The following STAC variants were observed in gnomAD, a reference collection of about 807,000 sequenced individuals.
The protein encoded by STAC is SH3 and cysteine-rich domain-containing protein.
Under a neutral mutation model 48.8 loss-of-function variants are expected in STAC, and 43 were observed. The ratio of observed to expected loss-of-function variants is 0.88; its 90% confidence interval spans 0.69 to 1.14. The LOEUF is 1.14. Among genes scored for constraint, STAC ranks in the 50% most tolerant of loss-of-function variants. The pLI is 0.00. For missense variants in STAC, 497 were observed against 504.0 expected (o/e 0.99, Z 0.13); for synonymous variants, 193 against 179.5 (o/e 1.07, Z -0.60).
At chr3:36,513,222 G>A (rs1698584952) in intron 8 of STAC, among the ~76,000 whole-genome samples, 2 of 151,992 alleles carry the variant, frequency 1.3e-5, no homozygotes, top group African/African-American at 4.8e-5. Context: ...ACCTCTCCCC[G>A]AACCTCCAGA....
chr3:36,460,466 A>C (rs547375857), intron 2 of STAC, among the ~76,000 whole-genome samples: 1 of 152,314 alleles, frequency 6.6e-6, no homozygotes, highest in African/African-American at 2.4e-5. Flanking sequence ...TTATTATATG[A>C]AATTAAAATC....
At chr3:36,399,604 G>A (rs900586255) in intron 1 of STAC, among the ~76,000 whole-genome samples, 3 of 152,140 alleles carry the variant, frequency 2.0e-5, no homozygotes, top group Non-Finnish European at 4.4e-5. Flanking sequence ...CTGAGTGATG[G>A]AGGACAGGTG....
At chr3:36,384,839 T>TC (rs1385286286) in intron 1 of STAC, among the ~76,000 whole-genome samples, 1 of 152,130 alleles carries the variant, frequency 6.6e-6, no homozygotes, top group Non-Finnish European at 1.5e-5. Context: ...GAAAAAGAAA[T>TC]CTCTAACCAT....
chr3:36,534,713 G>T (rs1216416818), intron 10 of STAC, among the ~76,000 whole-genome samples: 2 of 151,438 alleles, frequency 1.3e-5, no homozygotes, highest in East Asian at 3.9e-4. Flanking sequence ...CCTCCTCCTT[G>T]TTGTTCTTCT....
chr3:36,450,698 A>G (rs2005577), intron 2 of STAC, among the ~76,000 whole-genome samples: 114,668 of 151,682 alleles, frequency 0.76, 43,782 homozygotes, highest in African/African-American at 0.84. Flanking sequence ...GCTAACTTTT[A>G]TATTTTTAGT....
At chr3:36,425,935 G>GT (rs888480894) in intron 1 of STAC, among the ~76,000 whole-genome samples, 1 of 152,160 alleles carries the variant, frequency 6.6e-6, no homozygotes, top group Admixed American at 6.5e-5. Context: ...GGAAGCTGAG[G>GT]TGGCAGGATC....
chr3:36,464,013 T>C (rs1697094709), intron 2 of STAC, among the ~76,000 whole-genome samples: 1 of 152,172 alleles, frequency 6.6e-6, no homozygotes, highest in South Asian at 2.1e-4. Context: ...GCATGATTTA[T>C]AATCCTTTGG....
At chr3:36,424,781 A>T (rs1020083918) in intron 1 of STAC, among the ~76,000 whole-genome samples, 7 of 152,198 alleles carry the variant, frequency 4.6e-5, no homozygotes, top group Non-Finnish European at 1.0e-4. Flanking sequence ...CAAACCTGGG[A>T]CAATTTGAGC....
chr3:36,501,023 T>A (rs1698270123), intron 6 of STAC, among the ~76,000 whole-genome samples: 1 of 152,086 alleles, frequency 6.6e-6, no homozygotes, highest in South Asian at 2.1e-4. Context: ...GCCTGGAAGG[T>A]CGAGGCTGCA....
At chr3:36,518,938 G>A (rs1698737233) in intron 8 of STAC, among the ~76,000 whole-genome samples, 1 of 152,180 alleles carries the variant, frequency 6.6e-6, no homozygotes, top group Non-Finnish European at 1.5e-5. Context: ...CAGAAGAGTA[G>A]ATCAGAAGTT....
At chr3:36,486,094 C>A in intron 4 of STAC, 40 bp from the exon 5 acceptor site, 2 of 1,544,368 alleles carry the variant, frequency 1.3e-6, no homozygotes, top group South Asian at 2.3e-5. Flanking sequence ...TGGGTCCTCT[C>A]AGATGAGCTT....
chr3:36,447,825 G>T (rs1696552945), intron 2 of STAC, among the ~76,000 whole-genome samples: 1 of 152,148 alleles, frequency 6.6e-6, no homozygotes, highest in South Asian at 2.1e-4. Context: ...GAATCTCTGA[G>T]GTTCTGTCCA....
At chr3:36,501,893 C>T (rs573732751) in intron 6 of STAC, among the ~76,000 whole-genome samples, 78 of 152,240 alleles carry the variant, frequency 5.1e-4, no homozygotes, top group African/African-American at 1.9e-3. Context: ...CTCTTGAATA[C>T]AGATGCAGAA....
At chr3:36,456,638 G>A (rs916034909) in intron 2 of STAC, among the ~76,000 whole-genome samples, 1 of 152,094 alleles carries the variant, frequency 6.6e-6, no homozygotes. Flanking sequence ...GTGCCAAAAT[G>A]CTTAAATACA....
chr3:36,495,409 G>T (rs1458674366), intron 6 of STAC, among the ~76,000 whole-genome samples: 1 of 152,148 alleles, frequency 6.6e-6, no homozygotes, highest in Non-Finnish European at 1.5e-5. Flanking sequence ...ATTCAGACTG[G>T]CTCTTCCCAC....
intron 2 of STAC, among the ~76,000 whole-genome samples, chr3:36,457,623 T>C (rs1696889528): frequency 1.3e-5 from 2 of 152,086 alleles, no homozygotes; most frequent in African/African-American, 2.4e-5. Flanking sequence ...GCACATGAAA[T>C]TGTGAACACT....
chr3:36,445,977 G>C (rs1696498758), intron 2 of STAC, among the ~76,000 whole-genome samples: 1 of 152,158 alleles, frequency 6.6e-6, no homozygotes, highest in Non-Finnish European at 1.5e-5. Context: ...CTTGAAGATG[G>C]AAAGGCCACA....
chr3:36,444,924 T>A (rs909499383), intron 2 of STAC, among the ~76,000 whole-genome samples: 3 of 152,192 alleles, frequency 2.0e-5, no homozygotes, highest in Non-Finnish European at 4.4e-5. Flanking sequence ...TCACGTCTCA[T>A]GCTCAACAAT....
chr3:36,496,382 G>A (rs894579592), intron 6 of STAC, among the ~76,000 whole-genome samples: 3 of 152,182 alleles, frequency 2.0e-5, no homozygotes, highest in Admixed American at 6.5e-5. Context: ...TCTCACTCAT[G>A]CAAGGAGGGT....
Sources: gnomAD v4.1 joint callset for allele counts (sites outside exome capture counted in the v4.1 genomes callset) on GRCh38, gnomAD v4.1.1 for gene constraint, MANE v1.5 for transcripts, NCBI Gene and HGNC (gene_info 2026-07-23, HGNC 2026-07-21) for gene names.